PHACTR1: variants seen among roughly 807,000 people sequenced by gnomAD.
The protein encoded by PHACTR1 is RPEL repeat containing 1.
A neutral mutation model predicts 69.2 loss-of-function variants in PHACTR1; 16 were observed. The observed-to-expected ratio is 0.23, with a 90% CI of 0.16 to 0.35. PHACTR1 has a LOEUF of 0.35. Among genes scored for constraint, PHACTR1 ranks in the 10% least tolerant of loss-of-function variants. PHACTR1 has a pLI of 1.00. For missense variants in PHACTR1, 510 were observed against 734.7 expected, an observed-to-expected ratio of 0.69 and a Z score of 3.54; for synonymous variants, 312 against 284.5, an observed-to-expected ratio of 1.10 and a Z score of -0.97.
Position 12,853,639 on chromosome 6 carries a change from A to G in PHACTR1, c.250+103849A>G, listed in dbSNP as rs142118771. On this transcript the variant is annotated intron_variant, in intron 4 of 14. Coordinates refer to ENST00000332995, the MANE Select transcript of PHACTR1 (RefSeq NM_030948.6). ...CTGGGGAAGCCTCAGGAAACTTACA[A>G]TCATGGTGCAAGGCTCCTCTTCACA... Among the ~76,000 whole-genome samples, 739 of 152,328 alleles carry G rather than the reference A, an allele frequency of 4.9e-3. 7 individuals carry two copies. Among genetic ancestry groups the G allele is most frequent in the African/African-American group, 0.016 (659 of 41,576 alleles).
At chr6:13,159,029 G>GT in intron 5 of PHACTR1, among the ~76,000 whole-genome samples, 1 of 152,224 alleles carries the variant, frequency 6.6e-6, no homozygotes, top group Non-Finnish European at 1.5e-5. Context: ...TCCTCCCCAC[G>GT]TTCGCCTGTG....
intron 7 of PHACTR1, among the ~76,000 whole-genome samples, chr6:13,198,732 T>C (rs1583878623): frequency 6.6e-6 from 1 of 152,306 alleles, no homozygotes; most frequent in Admixed American, 6.5e-5. Context: ...CTGGGTCGCA[T>C]GCAGGCCGCC....
intron 4 of PHACTR1, among the ~76,000 whole-genome samples, chr6:12,773,961 C>G (rs549107068): frequency 6.6e-6 from 1 of 152,142 alleles, no homozygotes; most frequent in Non-Finnish European, 1.5e-5. Context: ...ACTCCAACAA[C>G]AGTTTCCTCT....
At chr6:13,051,949 C>T (rs1385047227) in intron 4 of PHACTR1, among the ~76,000 whole-genome samples, 1 of 152,100 alleles carries the variant, frequency 6.6e-6, no homozygotes, top group Non-Finnish European at 1.5e-5. Context: ...GGTTTAAGTG[C>T]CCTGTTCATT....
chr6:13,125,145 T>G (rs532789260), intron 5 of PHACTR1, among the ~76,000 whole-genome samples: 2 of 152,182 alleles, frequency 1.3e-5, no homozygotes, highest in South Asian at 2.1e-4. Context: ...GTGAATTGAC[T>G]AAGCAAACCA....
At chr6:13,005,247 T>TA (rs1449709275) in intron 4 of PHACTR1, among the ~76,000 whole-genome samples, 1 of 151,830 alleles carries the variant, frequency 6.6e-6, no homozygotes, top group Non-Finnish European at 1.5e-5. Flanking sequence ...ACCTTGAACT[T>TA]AGACTATCTC....
intron 3 of PHACTR1, among the ~76,000 whole-genome samples, chr6:12,728,816 C>G (rs1763123626): frequency 6.6e-6 from 1 of 152,108 alleles, no homozygotes; most frequent in African/African-American, 2.4e-5. Context: ...CAGCACTGCA[C>G]ACTTACAGAC....
At chr6:13,225,167 T>A (rs1179796013) in intron 8 of PHACTR1, among the ~76,000 whole-genome samples, 1 of 152,248 alleles carries the variant, frequency 6.6e-6, no homozygotes, top group East Asian at 1.9e-4. Flanking sequence ...TGTCTTCTTC[T>A]CAGGACTCTT....
chr6:12,877,147 G>A (rs1027216800), intron 4 of PHACTR1, among the ~76,000 whole-genome samples: 1 of 152,172 alleles, frequency 6.6e-6, no homozygotes. Context: ...TTTACTCTGA[G>A]CACCCTGTGG....
intron 5 of PHACTR1, among the ~76,000 whole-genome samples, chr6:13,094,677 G>A (rs1229775477): frequency 2.0e-5 from 3 of 152,044 alleles, no homozygotes; most frequent in African/African-American, 7.2e-5. Context: ...GACAGAGATG[G>A]GAGCATAAAG....
intron 4 of PHACTR1, among the ~76,000 whole-genome samples, chr6:12,758,107 G>C (rs1767570476): frequency 6.6e-6 from 1 of 151,544 alleles, no homozygotes; most frequent in African/African-American, 2.4e-5. Flanking sequence ...GTGAAACTCT[G>C]TCTCAAAAAA....
intron 5 of PHACTR1, among the ~76,000 whole-genome samples, chr6:13,125,223 A>G (rs1254175209): frequency 6.6e-6 from 1 of 152,256 alleles, no homozygotes; most frequent in Admixed American, 6.5e-5. Context: ...ACAAGAATCA[A>G]CTGTAATAAT....
At chr6:12,881,142 A>G (rs16873470) in intron 4 of PHACTR1, among the ~76,000 whole-genome samples, 3,415 of 152,274 alleles carry the variant, frequency 0.022, 117 homozygotes, top group African/African-American at 0.077. Flanking sequence ...TAAGAGCTGA[A>G]TTGTGTAGGG....
intron 4 of PHACTR1, among the ~76,000 whole-genome samples, chr6:12,775,155 A>G (rs1042627329): frequency 3.4e-5 from 5 of 148,548 alleles, no homozygotes; most frequent in African/African-American, 1.0e-4. Context: ...TCTTTTTGAC[A>G]CATTAATTTA....
At position 13,187,203 on chromosome 6, in the gene PHACTR1, C is replaced by T. The variant is rs571139339; in HGVS notation, c.664+4517C>T. On this transcript the variant is annotated intron_variant, in intron 7 of 14. Transcript: ENST00000332995. ...GTTCCTAATAGGCCGCGGACCAGTACAGGTTCATGGCCCTGGTGGTTGGGG... is the reference window on the plus strand; with the variant it reads ...GTTCCTAATAGGCCGCGGACCAGTATAGGTTCATGGCCCTGGTGGTTGGGG... 2.0e-5 allele frequency among the ~76,000 whole-genome samples: 3 copies of T among 152,294 alleles called. No homozygotes were observed. In the South Asian group the frequency reaches 6.2e-4, roughly 32 times the overall value.
chr6:12,996,090 T>G (rs1797382620), intron 4 of PHACTR1, among the ~76,000 whole-genome samples: 2 of 152,162 alleles, frequency 1.3e-5, no homozygotes, highest in Admixed American at 6.5e-5. Flanking sequence ...GAGGGAAATG[T>G]GTAGCCTTGC....
At chr6:13,105,516 A>C (rs1815974836) in intron 5 of PHACTR1, among the ~76,000 whole-genome samples, 2 of 152,102 alleles carry the variant, frequency 1.3e-5, no homozygotes, top group South Asian at 4.1e-4. Context: ...AGTATACAGC[A>C]GTTCAATTCT....
chr6:12,796,714 C>T (rs777074011), intron 4 of PHACTR1, among the ~76,000 whole-genome samples: 5 of 152,170 alleles, frequency 3.3e-5, no homozygotes, highest in East Asian at 1.9e-4. Flanking sequence ...TTGGACCACA[C>T]GGCAGATGAA....
intron 10 of PHACTR1, among the ~76,000 whole-genome samples, chr6:13,247,326 C>CGTGTGTGT (rs60972913): frequency 0.1 from 14,222 of 138,872 alleles, 1,125 homozygotes; most frequent in African/African-American, 0.19. Context: ...CAAGTTCCCT[C>CGTGTGTGT]GTGTGTGTGT....
Sources: allele counts gnomAD v4.1 joint callset (sites outside exome capture counted in the v4.1 genomes callset), GRCh38; gene constraint gnomAD v4.1.1; transcripts MANE v1.5; gene names NCBI Gene and HGNC (gene_info 2026-07-23, HGNC 2026-07-21).